GRIN2A: variants seen among roughly 807,000 people sequenced by gnomAD.
GRIN2A encodes glutamate receptor ionotropic, NMDA 2A.
A neutral mutation model predicts 113.4 loss-of-function variants in GRIN2A; 22 were observed. That is an observed-to-expected ratio of 0.19 (90% CI 0.14 to 0.28). GRIN2A has a LOEUF of 0.28. Ranked by LOEUF, GRIN2A falls within the 10% of genes least tolerant of loss-of-function variation. The pLI is 1.00. For missense variants in GRIN2A, 1,502 were observed against 1,887.0 expected (o/e 0.80, Z 3.78); for synonymous variants, 827 against 738.4 (o/e 1.12, Z -1.94).
At chr16:9,802,477 C>T (rs1013661738) in intron 10 of GRIN2A, among the ~76,000 whole-genome samples, 9 of 152,108 alleles carry the variant, frequency 5.9e-5, no homozygotes, top group Non-Finnish European at 8.8e-5. Context: ...AATGGAATCA[C>T]TAATAATCAC....
At chr16:10,005,118 C>G (rs999774585) in intron 2 of GRIN2A, among the ~76,000 whole-genome samples, 1 of 152,160 alleles carries the variant, frequency 6.6e-6, no homozygotes, top group African/African-American at 2.4e-5. Context: ...ATGTAGGTTA[C>G]AAGCATGAAT....
intron 2 of GRIN2A, among the ~76,000 whole-genome samples, chr16:9,941,420 T>C (rs1017467086): frequency 1.3e-5 from 2 of 152,202 alleles, no homozygotes; most frequent in African/African-American, 4.8e-5. Flanking sequence ...AGGAGAAAGA[T>C]AATTGGAGGG....
chr16:9,861,958 C>A (rs1317792241), intron 4 of GRIN2A, among the ~76,000 whole-genome samples: 1 of 152,106 alleles, frequency 6.6e-6, no homozygotes, highest in Admixed American at 6.6e-5. Context: ...TGAATAAGAA[C>A]CTTTCCTGGA....
In GRIN2A at chr16:9,841,414, A is replaced by G. The variant is rs141140598; in HGVS notation, c.1329-310T>C. ...TGAATTAGTTGATATTTGTACACCC[A>G]TTAAACAGGTAAAAATTACCAACTC... On this transcript the variant is annotated intron_variant, in intron 5 of 12. Transcript: ENST00000330684. Among the ~76,000 whole-genome samples the G allele has an allele frequency of 8.4e-3, 1,269 of 151,412 alleles. 21 individuals are homozygous for G. The highest frequency in any genetic ancestry group is 0.029 in the African/African-American group (1,199 of 41,554).
At chr16:10,100,354 G>A (rs1325767580) in intron 2 of GRIN2A, among the ~76,000 whole-genome samples, 1 of 152,216 alleles carries the variant, frequency 6.6e-6, no homozygotes, top group Non-Finnish European at 1.5e-5. Context: ...TTGTGCAAAG[G>A]AGAGTAATTC....
chr16:10,105,897 ACT>A (rs1796503673), intron 2 of GRIN2A, among the ~76,000 whole-genome samples: 1 of 152,208 alleles, frequency 6.6e-6, no homozygotes, highest in African/African-American at 2.4e-5. Flanking sequence ...ACAAGGCAAG[ACT>A]CTATCTCCAA....
At chr16:9,988,284 C>CGTGTCTGT (rs1555461879) in intron 2 of GRIN2A, among the ~76,000 whole-genome samples, 3 of 146,840 alleles carry the variant, frequency 2.0e-5, no homozygotes, top group Non-Finnish European at 4.5e-5. Flanking sequence ...TGTGTGTGTG[C>CGTGTCTGT]GTGTGTGTGT....
At chr16:9,806,188 T>C (rs1416025026) in intron 10 of GRIN2A, among the ~76,000 whole-genome samples, 2 of 152,230 alleles carry the variant, frequency 1.3e-5, no homozygotes, top group African/African-American at 4.8e-5. Flanking sequence ...ATTTTATAAA[T>C]ATTTGCTTCA....
chr16:10,181,139 C>G lies in GRIN2A; in HGVS notation c.-18-710G>C, dbSNP rs1381611297. ...CTGGGGAACTTGGGGCTCGCCCCAC[C>G]TCGAGCCAAGGGGCCGTGGAGAGTC... On this transcript the variant is annotated intron_variant, in intron 1 of 12. Transcript: ENST00000330684. Among the ~76,000 whole-genome samples the G allele has an allele frequency of 1.8e-4, 3 of 16,620 alleles. No homozygotes were observed. The East Asian group carries it at 5.8e-3, about 32-fold the overall frequency. The allele number at this position is 16,620 out of a possible 152,430, so 10.9% of individuals were successfully genotyped here.
At chr16:10,010,713 G>A (rs933253411) in intron 2 of GRIN2A, among the ~76,000 whole-genome samples, 1 of 152,068 alleles carries the variant, frequency 6.6e-6, no homozygotes, top group African/African-American at 2.4e-5. Context: ...GAGAGGAGAG[G>A]CTACTGAAGG....
intron 2 of GRIN2A, among the ~76,000 whole-genome samples, chr16:9,958,499 C>T (rs777258400): frequency 2.6e-5 from 4 of 152,062 alleles, no homozygotes; most frequent in African/African-American, 4.8e-5. Flanking sequence ...TCTGTTCCCA[C>T]GGATTTTATC....
At chr16:9,844,147 G>A (rs1351537126) in intron 5 of GRIN2A, among the ~76,000 whole-genome samples, 2 of 152,050 alleles carry the variant, frequency 1.3e-5, no homozygotes, top group South Asian at 2.1e-4. Flanking sequence ...GAAGTTTTAG[G>A]TGCCCCAGGT....
chr16:9,761,154 A>G lies in GRIN2A; in HGVS notation c.*1995T>C, dbSNP rs1900565582. ...TATGATTGACCCTGAAATTTATTGC[A>G]ACCACTTTTCATTATAGGAACACTG... On this transcript the variant is annotated 3_prime_UTR_variant, in exon 13 of 13. Transcript: ENST00000330684. 1 of 232,610 alleles carries G rather than the reference A, an allele frequency of 4.3e-6. No homozygotes were observed. 14.4% of individuals were successfully genotyped at this position (232,610 alleles called of 1,614,324 possible).
intron 2 of GRIN2A, among the ~76,000 whole-genome samples, chr16:10,101,845 T>C (rs2048405191): frequency 1.3e-5 from 2 of 152,220 alleles, no homozygotes; most frequent in Admixed American, 6.5e-5. Flanking sequence ...GTTATTGCTA[T>C]AATTTGGGGG....
chr16:9,859,753 T>C (rs1596507242), intron 4 of GRIN2A, among the ~76,000 whole-genome samples: 1 of 152,052 alleles, frequency 6.6e-6, no homozygotes, highest in Non-Finnish European at 1.5e-5. Context: ...GGAATTCTTC[T>C]CCTTATTATC....
chr16:9,769,324 A>G (rs971770175), intron 11 of GRIN2A: 1 of 243,674 alleles, frequency 4.1e-6, no homozygotes, highest in African/African-American at 2.3e-5. Context: ...TAGAGAATAT[A>G]ATATATATAT....
intron 2 of GRIN2A, among the ~76,000 whole-genome samples, chr16:9,988,122 T>C (rs7193738): frequency 0.58 from 87,219 of 151,306 alleles, 25,529 homozygotes; most frequent in African/African-American, 0.65. Flanking sequence ...TTAGACGCAA[T>C]AGAAGAATAC....
At chr16:10,157,493 G>A (rs1243157920) in intron 2 of GRIN2A, among the ~76,000 whole-genome samples, 1 of 152,156 alleles carries the variant, frequency 6.6e-6, no homozygotes, top group African/African-American at 2.4e-5. Context: ...ATTTATAGAG[G>A]AAGAGGTTTA....
At chr16:10,097,628 A>C (rs1482643630) in intron 2 of GRIN2A, among the ~76,000 whole-genome samples, 3 of 152,176 alleles carry the variant, frequency 2.0e-5, no homozygotes, top group Non-Finnish European at 2.9e-5. Flanking sequence ...CCTAGATCCT[A>C]GTGAGCCAGA....
Sources: allele counts gnomAD v4.1 joint callset (sites outside exome capture counted in the v4.1 genomes callset), GRCh38; gene constraint gnomAD v4.1.1; transcripts MANE v1.5; gene names NCBI Gene and HGNC (gene_info 2026-07-23, HGNC 2026-07-21).